The following SUPT3H variants were observed in gnomAD, a reference collection of about 807,000 sequenced individuals.
The protein encoded by SUPT3H is SPT3 homolog, SAGA and STAGA complex component.
A neutral mutation model predicts 44.3 loss-of-function variants in SUPT3H; 44 were observed. The ratio of observed to expected loss-of-function variants is 0.99; its 90% CI spans 0.78 to 1.28. The LOEUF is 1.28. Among genes scored for constraint, SUPT3H ranks in the 50% most tolerant of loss-of-function variants. The probability of loss-of-function intolerance (pLI) is 0.00; values close to 1 mark genes in which losing one functional copy is unlikely to be tolerated. For missense variants in SUPT3H, 380 were observed against 387.1 expected (o/e 0.98, Z 0.15); for synonymous variants, 124 against 125.6 (o/e 0.99, Z 0.09).
chr6:44,958,223 A>G (rs1211133697), intron 7 of SUPT3H, among the ~76,000 whole-genome samples: 1 of 152,226 alleles, frequency 6.6e-6, no homozygotes, highest in Non-Finnish European at 1.5e-5. Context: ...TTTACATGAT[A>G]ATTTCATATG....
At chr6:45,081,199 A>C (rs1795763628) in intron 3 of SUPT3H, among the ~76,000 whole-genome samples, 1 of 152,032 alleles carries the variant, frequency 6.6e-6, no homozygotes, top group Non-Finnish European at 1.5e-5. Flanking sequence ...TGCCTACATA[A>C]TCTGGTCCCT....
intron 10 of SUPT3H, among the ~76,000 whole-genome samples, chr6:44,842,105 G>C (rs896734939): frequency 2.0e-5 from 3 of 152,194 alleles, no homozygotes; most frequent in African/African-American, 4.8e-5. Context: ...AGTGCAGATG[G>C]CCTATTAATG....
chr6:45,201,415 C>T (rs1762436266), intron 2 of SUPT3H, among the ~76,000 whole-genome samples: 1 of 151,608 alleles, frequency 6.6e-6, no homozygotes, highest in African/African-American at 2.4e-5. Context: ...GAAGTCACAC[C>T]ACCAATGGAA....
chr6:45,034,010 T>C (rs1345761123), intron 3 of SUPT3H, among the ~76,000 whole-genome samples: 1 of 152,116 alleles, frequency 6.6e-6, no homozygotes, highest in Non-Finnish European at 1.5e-5. Flanking sequence ...TATATGTATA[T>C]TAGTCAGGGG....
rs550601306 is a variant in SUPT3H at position 45,197,807 on chromosome 6, C to T, written c.102-91801G>A. Reference sequence around the variant, plus strand: ...AGAATTTGACTTTGTTAGATAATTGCTTTTCTTTGAATTTACAAAGTGTAA... The same window carrying T: ...AGAATTTGACTTTGTTAGATAATTGTTTTTCTTTGAATTTACAAAGTGTAA... On this transcript the variant is annotated intron_variant, in intron 2 of 10. Coordinates refer to ENST00000371459, the MANE Select transcript of SUPT3H (RefSeq NM_003599.4). 9 of 173,192 alleles carry T rather than the reference C, an allele frequency of 5.2e-5. No individual in the cohort carries two copies. The South Asian group carries it at 1.5e-3, about 29-fold the overall frequency. The allele number at this position is 173,192 out of a possible 1,614,324, so 10.7% of individuals were successfully genotyped here. A position where few individuals can be genotyped will look rare whatever the true frequency, so the allele number is the denominator to read the frequency against.
intron 2 of SUPT3H, among the ~76,000 whole-genome samples, chr6:45,193,266 G>A (rs1815442737): frequency 2.6e-5 from 4 of 152,164 alleles, no homozygotes; most frequent in African/African-American, 9.6e-5. Flanking sequence ...GGTTCCTAAT[G>A]TAAAATCTAC....
At chr6:45,298,058 T>A (rs1354795054) in intron 2 of SUPT3H, among the ~76,000 whole-genome samples, 2 of 152,148 alleles carry the variant, frequency 1.3e-5, no homozygotes, top group African/African-American at 4.8e-5. Flanking sequence ...GCTGGTAACT[T>A]TTTACAGCTT....
chr6:45,165,719 G>A (rs551146250), intron 2 of SUPT3H, among the ~76,000 whole-genome samples: 1 of 152,122 alleles, frequency 6.6e-6, no homozygotes, highest in South Asian at 2.1e-4. Flanking sequence ...TTCATTAGAT[G>A]ACCTTATTAA....
chr6:45,139,254 A>G (rs1804789447), intron 2 of SUPT3H, among the ~76,000 whole-genome samples: 1 of 152,222 alleles, frequency 6.6e-6, no homozygotes, highest in Non-Finnish European at 1.5e-5. Context: ...AAATTTTTCT[A>G]ATTTCATAAA....
At chr6:44,865,716 G>A (rs915143133) in intron 10 of SUPT3H, among the ~76,000 whole-genome samples, 31 of 152,180 alleles carry the variant, frequency 2.0e-4, no homozygotes, top group Admixed American at 1.4e-3. Context: ...GGAATTATGG[G>A]AGTAAAATTC....
intron 10 of SUPT3H, among the ~76,000 whole-genome samples, chr6:44,833,528 C>A (rs1438157468): frequency 6.6e-6 from 1 of 151,956 alleles, no homozygotes; most frequent in East Asian, 1.9e-4. Context: ...TGCTTCTAAT[C>A]ACAATATTTA....
At chr6:45,278,420 A>G (rs1241744545) in intron 2 of SUPT3H, among the ~76,000 whole-genome samples, 3 of 152,210 alleles carry the variant, frequency 2.0e-5, no homozygotes, top group Non-Finnish European at 4.4e-5. Context: ...AAGTTCCATC[A>G]TTATCCTATT....
At chr6:44,839,222 C>G (rs1247751862) in intron 10 of SUPT3H, among the ~76,000 whole-genome samples, 1 of 152,164 alleles carries the variant, frequency 6.6e-6, no homozygotes, top group African/African-American at 2.4e-5. Flanking sequence ...CCTTATCACA[C>G]TATTGTCCAA....
At chr6:45,233,166 T>TC (rs1768400599) in intron 2 of SUPT3H, among the ~76,000 whole-genome samples, 1 of 152,160 alleles carries the variant, frequency 6.6e-6, no homozygotes, top group African/African-American at 2.4e-5. Context: ...CTGTCCTTAC[T>TC]CCAGGGATTA....
At chr6:45,344,006 G>A (rs1790348332) in intron 2 of SUPT3H, among the ~76,000 whole-genome samples, 1 of 152,096 alleles carries the variant, frequency 6.6e-6, no homozygotes, top group African/African-American at 2.4e-5. Context: ...GCCTATTCCT[G>A]TCTTTTTTCC....
chr6:45,305,870 A>G (rs1433332672), intron 2 of SUPT3H, among the ~76,000 whole-genome samples: 1 of 152,160 alleles, frequency 6.6e-6, no homozygotes, highest in Non-Finnish European at 1.5e-5. Flanking sequence ...GAGCAACTTC[A>G]TATTCCCTGG....
intron 2 of SUPT3H, among the ~76,000 whole-genome samples, chr6:45,275,672 T>C (rs985661206): frequency 2.0e-5 from 3 of 152,178 alleles, no homozygotes; most frequent in Non-Finnish European, 4.4e-5. Context: ...TGATAAAACA[T>C]AGCATTTCCT....
At chr6:45,123,623 A>G (rs1801995272) in intron 2 of SUPT3H, among the ~76,000 whole-genome samples, 1 of 152,164 alleles carries the variant, frequency 6.6e-6, no homozygotes, top group Non-Finnish European at 1.5e-5. Flanking sequence ...TATATAATCT[A>G]TTTTAACCTG....
chr6:45,218,251 A>C (rs905709157), intron 2 of SUPT3H, among the ~76,000 whole-genome samples: 2 of 152,204 alleles, frequency 1.3e-5, no homozygotes, highest in African/African-American at 4.8e-5. Context: ...ATTACTAAAC[A>C]TGAGAAAAGA....
Sources: allele counts gnomAD v4.1 joint callset (sites outside exome capture counted in the v4.1 genomes callset), GRCh38; gene constraint gnomAD v4.1.1; transcripts MANE v1.5; gene names NCBI Gene and HGNC (gene_info 2026-07-23, HGNC 2026-07-21).